The following SH3PXD2B variants were observed in gnomAD, a reference collection of about 807,000 sequenced individuals.
SH3PXD2B encodes the protein SH3 and PX domains 2B.
In SH3PXD2B, 37 loss-of-function variants were observed where a neutral mutation model predicts 73.1. The ratio of observed to expected loss-of-function variants is 0.51; its 90% CI spans 0.39 to 0.67. The LOEUF (loss-of-function observed/expected upper bound fraction) is 0.67, where lower values mean the gene tolerates loss of function less well. SH3PXD2B is among the 30% of genes least tolerant of loss of function. SH3PXD2B has a pLI of 0.00. For synonymous variants in SH3PXD2B, 457 were observed against 480.5 expected (o/e 0.95, Z 0.64); for missense variants, 1,053 against 1,197.8 (o/e 0.88, Z 1.78).
intron 4 of SH3PXD2B, among the ~76,000 whole-genome samples, chr5:172,384,210 C>T (rs1026243432): frequency 1.3e-5 from 2 of 152,026 alleles, no homozygotes; most frequent in Non-Finnish European, 2.9e-5. Context: ...AGTGATGTGC[C>T]GACGCTGCAG....
chr5:172,387,405 A>G (rs1488114572), intron 4 of SH3PXD2B, among the ~76,000 whole-genome samples: 1 of 152,236 alleles, frequency 6.6e-6, no homozygotes, highest in Middle Eastern at 3.2e-3. Context: ...AACTGTTGTT[A>G]GAATTTTTGT....
Position 172,345,093 on chromosome 5 carries a change from A to AACAAAG in SH3PXD2B, c.1188+1042_1188+1043insCTTTGT, listed in dbSNP as rs1554134780. 4.3e-3 allele frequency among the ~76,000 whole-genome samples: 636 copies of AACAAAG among 146,302 alleles called. 21 individuals carry two copies. Among genetic ancestry groups the AACAAAG allele is most frequent in the African/African-American group, 0.016 (597 of 36,898 alleles). Reference sequence around the variant, plus strand: ...AGGAAGGAAGGAGGGAGGGAAGGAAAGAAGGAGGGAAGGAAGAAGGGAAGG... The same window carrying AACAAAG: ...AGGAAGGAAGGAGGGAGGGAAGGAAAACAAAGGAAGGAGGGAAGGAAGAAGGGAAGG... On this transcript the variant is annotated intron_variant, in intron 12 of 12. Coordinates refer to ENST00000311601, the MANE Select transcript of SH3PXD2B (RefSeq NM_001017995.3).
chr5:172,361,171 ATG>A lies in SH3PXD2B; in HGVS notation c.562+1562_562+1563del, dbSNP rs534324474. On this transcript the variant is annotated intron_variant, in intron 7 of 12. Transcript: ENST00000311601. ...TATATGTATGAATGAGTACCTGTGT[ATG>A]TGTGAGTGTATATGTTCACACGTAC... is the stretch of plus-strand genomic sequence containing the variant. Among the ~76,000 whole-genome samples the A allele has an allele frequency of 6.3e-3, 952 of 152,130 alleles. 7 individuals are homozygous for A. Among genetic ancestry groups the A allele is most frequent in the Admixed American group, 9.6e-3 (146 of 15,220 alleles).
intron 2 of SH3PXD2B, among the ~76,000 whole-genome samples, chr5:172,413,027 C>T (rs1041981859): frequency 9.9e-5 from 15 of 152,252 alleles, no homozygotes; most frequent in African/African-American, 3.1e-4. Context: ...CCAAAGAACA[C>T]GCCATGGAAG....
At chr5:172,388,229 T>C (rs1379300423) in intron 4 of SH3PXD2B, among the ~76,000 whole-genome samples, 1 of 152,194 alleles carries the variant, frequency 6.6e-6, no homozygotes, top group African/African-American at 2.4e-5. Context: ...GTAGCTAAAT[T>C]TGGGGTATCA....
At chr5:172,423,587 A>G (rs1759026835) in intron 1 of SH3PXD2B, among the ~76,000 whole-genome samples, 1 of 149,860 alleles carries the variant, frequency 6.7e-6, no homozygotes, top group South Asian at 2.1e-4. Flanking sequence ...TGATTGGTTG[A>G]AGGGAGAACA....
chr5:172,439,682 G>GCA (rs879732011), intron 1 of SH3PXD2B, among the ~76,000 whole-genome samples: 3 of 109,544 alleles, frequency 2.7e-5, no homozygotes, highest in African/African-American at 1.1e-4. Context: ...GTGCGTGCGC[G>GCA]CACGCGCGCG....
At chr5:172,435,347 A>G (rs745494810) in intron 1 of SH3PXD2B, among the ~76,000 whole-genome samples, 14 of 152,172 alleles carry the variant, frequency 9.2e-5, no homozygotes, top group Non-Finnish European at 1.2e-4. Context: ...AAAAATTATG[A>G]TGGTGCTGGT....
intron 2 of SH3PXD2B, among the ~76,000 whole-genome samples, chr5:172,417,454 C>T (rs1479946309): frequency 6.6e-6 from 1 of 152,246 alleles, no homozygotes; most frequent in East Asian, 1.9e-4. Flanking sequence ...GATCCAGCCA[C>T]ACCTGAAGCC....
rs1757575116 is a variant in SH3PXD2B at position 172,368,456 on chromosome 5, T to TATATATATATTATATATATATATAAA, written c.427+5333_427+5334insTTTATATATATATATAATATATATAT. Among the ~76,000 whole-genome samples the TATATATATATTATATATATATATAAA allele has an allele frequency of 4.5e-4, 19 of 42,646 alleles. 1 individual carries two copies. Among genetic ancestry groups the TATATATATATTATATATATATATAAA allele is most frequent in the Admixed American group, 1.2e-3 (3 of 2,442 alleles). The allele number at this position is 42,646 out of a possible 152,430, so 28.0% of individuals were successfully genotyped here. On this transcript the variant is annotated intron_variant, in intron 6 of 12. Transcript: ENST00000311601. Reference sequence around the variant, plus strand: ...GTGCAAGGGGAGCTAAGAATGCTTATATATATATATATTATATATATATAT... The same window carrying TATATATATATTATATATATATATAAA: ...GTGCAAGGGGAGCTAAGAATGCTTATATATATATATTATATATATATATAAAATATATATATATTATATATATATAT...
In SH3PXD2B at chr5:172,445,485, C is replaced by T. The variant is rs1759641537; in HGVS notation, c.75+8793G>A. 6.6e-6 allele frequency among the ~76,000 whole-genome samples: 1 copy of T among 152,154 alleles called. No homozygotes were observed. The highest frequency in any genetic ancestry group is 1.5e-5 in the Non-Finnish European group (1 of 68,028). ...TCAGCCTCCCAAGATGCTGGGATTACAGGCGTGAACTCCCATGCCCAGCCC... is the reference window on the plus strand; with the variant it reads ...TCAGCCTCCCAAGATGCTGGGATTATAGGCGTGAACTCCCATGCCCAGCCC... On this transcript the variant is annotated intron_variant, in intron 1 of 12. Coordinates refer to ENST00000311601, the MANE Select transcript of SH3PXD2B (RefSeq NM_001017995.3). The surrounding 1 kb of genome is among the most constrained non-coding windows in gnomAD (Gnocchi z 5.2).
At chr5:172,369,135 T>A (rs1374798895) in intron 6 of SH3PXD2B, among the ~76,000 whole-genome samples, 2 of 151,478 alleles carry the variant, frequency 1.3e-5, no homozygotes, top group East Asian at 3.9e-4. Flanking sequence ...CCTCAGGTGA[T>A]CTGCCCACCT....
intron 8 of SH3PXD2B, among the ~76,000 whole-genome samples, chr5:172,354,943 G>A (rs899145271): frequency 3.9e-5 from 6 of 152,156 alleles, no homozygotes; most frequent in African/African-American, 1.2e-4. Context: ...TCGGCAGGGC[G>A]GGTTGCTCAT....
chr5:172,329,442 C>T (rs371108758), downstream of SH3PXD2B, among the ~76,000 whole-genome samples: 18 of 151,582 alleles, frequency 1.2e-4, no homozygotes, highest in South Asian at 3.3e-3. Context: ...CTATTCTGTA[C>T]TATACTGTAG....
intron 4 of SH3PXD2B, among the ~76,000 whole-genome samples, chr5:172,383,292 C>T (rs1757988672): frequency 6.6e-6 from 1 of 152,152 alleles, no homozygotes; most frequent in Non-Finnish European, 1.5e-5. Context: ...ATTAATCTGC[C>T]CCAGTGACTC....
intron 4 of SH3PXD2B, among the ~76,000 whole-genome samples, chr5:172,393,904 T>G (rs1211058111): frequency 6.6e-6 from 1 of 152,116 alleles, no homozygotes; most frequent in African/African-American, 2.4e-5. Context: ...GAAGCATGAA[T>G]GTATAATGGA....
intron 1 of SH3PXD2B, among the ~76,000 whole-genome samples, chr5:172,426,899 A>G (rs1161023687): frequency 3.3e-5 from 5 of 152,230 alleles, no homozygotes; most frequent in African/African-American, 1.2e-4. Flanking sequence ...CCCAGATGCA[A>G]GACAAAACAG....
chr5:172,426,754 G>A (rs552290045), intron 1 of SH3PXD2B, among the ~76,000 whole-genome samples: 1 of 152,206 alleles, frequency 6.6e-6, no homozygotes, highest in African/African-American at 2.4e-5. Flanking sequence ...AGTGGCTGCT[G>A]GGAGAACCTA....
At chr5:172,427,882 A>G (rs574969959) in intron 1 of SH3PXD2B, among the ~76,000 whole-genome samples, 1 of 151,396 alleles carries the variant, frequency 6.6e-6, no homozygotes, top group East Asian at 1.9e-4. Flanking sequence ...GGTTCAAGCA[A>G]TTCTCTGCCT....
Sources: gnomAD v4.1 joint callset for allele counts (sites outside exome capture counted in the v4.1 genomes callset) on GRCh38, gnomAD v4.1.1 for gene constraint, Gnocchi (gnomAD v3.1) non-coding constraint, MANE v1.5 for transcripts, NCBI Gene and HGNC (gene_info 2026-07-23, HGNC 2026-07-21) for gene names.